C10orf143: variants seen among roughly 807,000 people sequenced by gnomAD.
C10orf143 encodes chromosome 10 open reading frame 143.
chr10:130,094,617 G>A (rs953315522), intron 1 of C10orf143, among the ~76,000 whole-genome samples: 1 of 152,122 alleles, frequency 6.6e-6, no homozygotes, highest in Non-Finnish European at 1.5e-5. Context: ...CAGAACCAAT[G>A]ACAAAAACCA....
At chr10:130,039,313 C>T (rs1329041031) in intron 3 of C10orf143, among the ~76,000 whole-genome samples, 2 of 152,114 alleles carry the variant, frequency 1.3e-5, no homozygotes, top group African/African-American at 2.4e-5. Context: ...AGCCGGAGGC[C>T]GAGGACCACC....
chr10:130,036,558 G>T (rs1406288140), intron 3 of C10orf143, among the ~76,000 whole-genome samples: 1 of 152,182 alleles, frequency 6.6e-6, no homozygotes, highest in African/African-American at 2.4e-5. Context: ...GCTCTGCCTG[G>T]AGCCTCCACC....
intron 3 of C10orf143, among the ~76,000 whole-genome samples, chr10:130,041,963 A>G (rs560433935): frequency 1.2e-4 from 18 of 152,262 alleles, no homozygotes; most frequent in African/African-American, 3.9e-4. Flanking sequence ...GTACATGCCC[A>G]TGCACACCCT....
intron 3 of C10orf143, among the ~76,000 whole-genome samples, chr10:130,078,828 T>G (rs1861160570): frequency 6.6e-6 from 1 of 152,090 alleles, no homozygotes. Flanking sequence ...CTAAAGATCT[T>G]TAGGGGGCAA....
rs754176687 is a variant in C10orf143, at chr10:130,064,354, C to CTAA, written c.324_326dup (p.His108_Ter109insTyr). ...CCTTCTTTTTTCCAGCTTGCATCTT[C>CTAA]TAATGATTCTTGGTATGGCTAAAAT... On this transcript the variant is annotated inframe_insertion, in exon 4 of 4. Transcript: ENST00000637128. 1.0e-5 allele frequency: 4 copies of CTAA among 398,478 alleles called. No individual in the cohort carries two copies. Among genetic ancestry groups the CTAA allele is most frequent in the East Asian group, 7.1e-5 (2 of 28,080 alleles). The allele number at this position is 398,478 out of a possible 1,614,324, so 24.7% of individuals were successfully genotyped here.
At chr10:130,068,767 C>A (rs569469509) in intron 3 of C10orf143, among the ~76,000 whole-genome samples, 8 of 151,364 alleles carry the variant, frequency 5.3e-5, no homozygotes, top group Admixed American at 5.3e-4. Context: ...ATTAAAAACT[C>A]ATTAACGGGG....
chr10:130,108,002 A>G (rs769629656), intron 1 of C10orf143: 5 of 1,527,684 alleles, frequency 3.3e-6, no homozygotes, highest in African/African-American at 1.4e-5. Context: ...GGATGGGTCA[A>G]TGCCTTCAGA....
At chr10:130,107,578 CAG>C (rs1428685512) in intron 1 of C10orf143, 7 of 1,346,752 alleles carry the variant, frequency 5.2e-6, no homozygotes, top group African/African-American at 4.3e-5. Context: ...CAGCATTTGG[CAG>C]AGAGCATTCC....
chr10:130,050,133 G>T (rs1216144867), intron 3 of C10orf143, among the ~76,000 whole-genome samples: 2 of 152,256 alleles, frequency 1.3e-5, no homozygotes, highest in African/African-American at 4.8e-5. Flanking sequence ...GGTGGGACCC[G>T]CCTGGGCGAG....
At chr10:130,052,177 C>T (rs1426366797) in intron 3 of C10orf143, among the ~76,000 whole-genome samples, 2 of 151,424 alleles carry the variant, frequency 1.3e-5, no homozygotes, top group Non-Finnish European at 2.9e-5. Flanking sequence ...TACATCCTTC[C>T]GGCCTGTATA....
At chr10:130,048,174 G>C (rs2134729601) in intron 3 of C10orf143, among the ~76,000 whole-genome samples, 1 of 152,342 alleles carries the variant, frequency 6.6e-6, no homozygotes, top group Admixed American at 6.5e-5. Flanking sequence ...AGGACAGCAG[G>C]CTTGCCAGCC....
chr10:130,035,420 G>T (rs762863087), intron 4 of C10orf143, among the ~76,000 whole-genome samples: 41 of 152,186 alleles, frequency 2.7e-4, no homozygotes, highest in Non-Finnish European at 4.0e-4. Flanking sequence ...TTTACTGGGG[G>T]TTAGGATATC....
intron 3 of C10orf143, among the ~76,000 whole-genome samples, chr10:130,077,893 T>G (rs1213144978): frequency 6.6e-6 from 1 of 152,222 alleles, no homozygotes; most frequent in African/African-American, 2.4e-5. Context: ...ACATTAGACT[T>G]TCAGAAGTAG....
chr10:130,037,865 CTCT>C (rs1860562874), intron 3 of C10orf143, among the ~76,000 whole-genome samples: 2 of 152,136 alleles, frequency 1.3e-5, no homozygotes, highest in African/African-American at 4.8e-5. Context: ...AGCAGCTAAG[CTCT>C]TTATACTTTT....
intron 1 of C10orf143, among the ~76,000 whole-genome samples, chr10:130,091,229 C>T (rs1861377142): frequency 6.6e-6 from 1 of 152,206 alleles, no homozygotes; most frequent in Admixed American, 6.5e-5. Flanking sequence ...AAGGAACAGG[C>T]AGCAATCTTT....
At chr10:130,037,159 G>A (rs1860553666) in intron 3 of C10orf143, among the ~76,000 whole-genome samples, 1 of 152,234 alleles carries the variant, frequency 6.6e-6, no homozygotes, top group Non-Finnish European at 1.5e-5. Flanking sequence ...TGGGGACCAA[G>A]GGGACAGGGC....
downstream of C10orf143, among the ~76,000 whole-genome samples, chr10:130,061,177 G>A (rs1860853894): frequency 6.6e-6 from 1 of 152,088 alleles, no homozygotes; most frequent in African/African-American, 2.4e-5. Flanking sequence ...TACATGCTTG[G>A]GAGCATATAT....
rs550380715 is a variant in C10orf143 at position 130,095,373 on chromosome 10, T to A, written c.69+15331A>T. ...GGGAAAATGGCCATACTGCCCAAAG[T>A]AATTTATAGATTCAAAGCTATCACC... is the stretch of plus-strand genomic sequence containing the variant. On this transcript the variant is annotated intron_variant, in intron 1 of 3. Transcript: ENST00000637128. Among the ~76,000 whole-genome samples the A allele has an allele frequency of 9.2e-5, 14 of 152,300 alleles. No homozygotes were observed. In the South Asian group the frequency reaches 2.9e-3, roughly 32 times the overall value.
chr10:130,106,358 G>T, intron 1 of C10orf143: 1 of 1,601,392 alleles, frequency 6.2e-7, no homozygotes, highest in Non-Finnish European at 8.5e-7. Flanking sequence ...AGAGTATGAA[G>T]ACTATGAAGT....
Sources: allele counts gnomAD v4.1 joint callset (sites outside exome capture counted in the v4.1 genomes callset), GRCh38; gene constraint gnomAD v4.1.1; transcripts MANE v1.5; gene names NCBI Gene and HGNC (gene_info 2026-07-23, HGNC 2026-07-21).